Variants in SRCAP observed in about 807,000 individuals in gnomAD.
SRCAP encodes the protein Snf2 related CREBBP activator protein.
A neutral mutation model predicts 263.1 loss-of-function variants in SRCAP; 46 were observed. The observed-to-expected ratio is 0.17, with a 90% CI of 0.14 to 0.22. The LOEUF is 0.22. Among genes scored for constraint, SRCAP ranks in the 10% least tolerant of loss-of-function variants. The probability of loss-of-function intolerance (pLI) is 1.00; values close to 1 mark genes in which losing one functional copy is unlikely to be tolerated. For synonymous variants in SRCAP, 1,813 were observed against 1,662.1 expected (o/e 1.09, Z -2.21); for missense variants, 3,695 against 4,181.9 (o/e 0.88, Z 3.21).
chr16:30,739,410 C>G lies in SRCAP; in HGVS notation c.9370C>G (p.Pro3124Ala). 3 of 1,614,232 alleles carry G rather than the reference C, an allele frequency of 1.9e-6. No individual in the cohort carries two copies. The highest frequency in any genetic ancestry group is 2.5e-6 in the Non-Finnish European group (3 of 1,180,034). The stretch of plus-strand genomic sequence containing the variant: ...AAAACTGCGCTCGACCCGGCTGCGT[C>G]CAGGGTCTCTAGTCCCCCCACTAGA... ...TPKLRSTRLR[P>A]GSLVPPLETE... Residue 3124 changes from proline (P) to alanine (A), a missense_variant, in exon 34 of 34, where the codon CCA becomes GCA. Physicochemically the swap from Pro to Ala is conservative, Grantham distance 27. This residue lies in a region of SRCAP where 1,207 missense variants were observed against 1,142.9 expected (regional missense o/e 1.06). Coordinates refer to ENST00000262518, the MANE Select transcript of SRCAP (RefSeq NM_006662.3).
chr16:30,737,829 G>C lies in SRCAP; in HGVS notation c.7789G>C (p.Glu2597Gln), dbSNP rs1188755562. The C allele has an allele frequency of 6.2e-7, 1 of 1,614,076 alleles. No homozygotes were observed. Among genetic ancestry groups the C allele is most frequent in the African/African-American group, 1.3e-5 (1 of 74,946 alleles). ...PVAVEILPVS[E>Q]KNLSLTPSAP... ...TGCTGTGGAGATCCTGCCTGTGTCA[G>C]AGAAGAACCTTTCTCTCACCCCTTC... The change falls in exon 34 of 34, where the codon GAG (glutamate) becomes CAG (glutamine). Residue 2597 changes from glutamate to glutamine, a missense_variant. This residue lies in a region of SRCAP where 1,207 missense variants were observed against 1,142.9 expected (regional missense o/e 1.06). Coordinates refer to ENST00000262518, the MANE Select transcript of SRCAP (RefSeq NM_006662.3).
chr16:30,739,814 A>C lies in SRCAP; in HGVS notation c.*81A>C. 1.4e-6 allele frequency: 2 copies of C among 1,425,962 alleles called. No individual in the cohort carries two copies. Among genetic ancestry groups the C allele is most frequent in the Non-Finnish European group, 1.8e-6 (2 of 1,086,924 alleles). 88.3% of individuals were successfully genotyped at this position (1,425,962 alleles called of 1,614,324 possible). Reference sequence around the variant, plus strand: ...CCTGACTCTGTTAACCACTACTTGAAGTCTTGAGGGGGAAAGCCTCCAGGG... The same window carrying C: ...CCTGACTCTGTTAACCACTACTTGACGTCTTGAGGGGGAAAGCCTCCAGGG... On this transcript the variant is annotated 3_prime_UTR_variant, in exon 34 of 34. Transcript: ENST00000262518.
intron 3 of SRCAP, among the ~76,000 whole-genome samples, chr16:30,703,181 A>G (rs994793741): frequency 1.4e-5 from 2 of 147,146 alleles, no homozygotes; most frequent in African/African-American, 5.1e-5. Context: ...ATGTATATAA[A>G]TTTTTTTTTT....
rs1429701937 is a variant in SRCAP at position 30,738,606 on chromosome 16, G to T, written c.8566G>T (p.Val2856Leu). 6.2e-7 allele frequency: 1 copy of T among 1,603,292 alleles called. No homozygotes were observed. Among genetic ancestry groups the T allele is most frequent in the South Asian group, 1.1e-5 (1 of 89,924 alleles). ...GALLAITPPA[V>L]KRRRGRPPKK... ...ACTGCTCGCCATCACCCCACCTGCT[G>T]TGAAACGTCGGAGGGGGAGGCCCCC... The change falls in exon 34 of 34, where the codon GTG becomes TTG. Residue 2856 changes from valine (V) to leucine (L), a missense_variant. Physicochemically the swap from Val to Leu is conservative, Grantham distance 32. Around this residue, in one of 12 missense-constraint regions of SRCAP, gnomAD observed 1,207 missense variants for 1,142.9 expected, o/e 1.06. Coordinates refer to ENST00000262518, the MANE Select transcript of SRCAP (RefSeq NM_006662.3).
chr16:30,700,824 C>G lies in SRCAP; in HGVS notation c.-1C>G. 1 of 1,614,042 alleles carries G rather than the reference C, an allele frequency of 6.2e-7. No individual in the cohort carries two copies. Among genetic ancestry groups the G allele is most frequent in the Non-Finnish European group, 8.5e-7 (1 of 1,179,924 alleles). ...CCAAGGGGGAGCCTGGGAGTGGGAC[C>G]ATGCAGAGCAGCCCCTCCCCTGCTC... is the stretch of plus-strand genomic sequence containing the variant. On this transcript the variant is annotated 5_prime_UTR_variant, in exon 3 of 34. Coordinates refer to ENST00000262518, the MANE Select transcript of SRCAP (RefSeq NM_006662.3).
At position 30,720,797 on chromosome 16, in the gene SRCAP, T is replaced by C. The variant is rs1333345525; in HGVS notation, c.3072T>C (p.Val1024=). 1.9e-6 allele frequency: 3 copies of C among 1,613,978 alleles called. No individual in the cohort carries two copies. The highest frequency in any genetic ancestry group is 2.5e-6 in the Non-Finnish European group (3 of 1,180,016). Residue 1024 remains valine, a synonymous_variant, in exon 20 of 34, where the codon GTT becomes GTC. Coordinates refer to ENST00000262518, the MANE Select transcript of SRCAP (RefSeq NM_006662.3). ...GGGCGCCCCTGGGCCCTGTCCCAGT[T>C]CGACCTCCTCCAGGTCCTGAGCTCT... ...NPRAPLGPVP[V]RPPPGPELSA...
At chr16:30,712,514 T>C in intron 13 of SRCAP, 75 bp downstream of exon 13, 1 of 1,519,528 alleles carries the variant, frequency 6.6e-7, no homozygotes, top group Non-Finnish European at 8.8e-7. Context: ...TGACTCCAGC[T>C]TCATTGACTT....
At position 30,733,377 on chromosome 16, in the gene SRCAP, G is replaced by A. The variant is rs1415250682; in HGVS notation, c.6225G>A (p.Leu2075=). The change falls in exon 28 of 34, where the codon TTG becomes TTA. Residue 2075 remains leucine, a synonymous_variant. Transcript: ENST00000262518. The surrounding 1 kb of genome is among the most constrained non-coding windows in gnomAD (Gnocchi z 5.3). ...FTQMTRMLDV[L]EQFLTYHGHL... ...AGATGACCCGAATGCTGGATGTATT[G>A]GAGCAGTTTCTCACCTACCATGGCC... is the stretch of plus-strand genomic sequence containing the variant. 3.7e-6 allele frequency: 6 copies of A among 1,613,982 alleles called. No homozygotes were observed. The highest frequency in any genetic ancestry group is 2.2e-5 in the East Asian group (1 of 44,884).
Position 30,733,434 on chromosome 16 carries a change from A to G in SRCAP, c.6282A>G (p.Arg2094=). ...ACCTGCGCCTGGATGGATCTACTAG[A>G]GTTGAACAGAGACAGGTAACCCAGG... The part of the protein sequence containing the change: ...HLYLRLDGST[R]VEQRQALMER... The change falls in exon 28 of 34, where the codon AGA becomes AGG. Residue 2094 remains arginine (R), a synonymous_variant. Coordinates refer to ENST00000262518, the MANE Select transcript of SRCAP (RefSeq NM_006662.3). The surrounding 1 kb of genome is among the most constrained non-coding windows in gnomAD (Gnocchi z 5.3). 1 of 1,614,054 alleles carries G rather than the reference A, an allele frequency of 6.2e-7. No homozygotes were observed. The highest frequency in any genetic ancestry group is 1.3e-5 in the African/African-American group (1 of 74,996).
Position 30,711,757 on chromosome 16 carries a change from T to C in SRCAP, c.1492+13T>C. Reference sequence around the variant, plus strand: ...AGCAGTCAGTCAGGTGAATATGTGGTCATGAAGCAGGAGCTGGGGAGGGTG... The same window carrying C: ...AGCAGTCAGTCAGGTGAATATGTGGCCATGAAGCAGGAGCTGGGGAGGGTG... On this transcript the variant is annotated intron_variant, in intron 11 of 33. Transcript: ENST00000262518. 6.2e-7 allele frequency: 1 copy of C among 1,610,832 alleles called. No homozygotes were observed. The highest frequency in any genetic ancestry group is 8.5e-7 in the Non-Finnish European group (1 of 1,177,744).
intron 16 of SRCAP, among the ~76,000 whole-genome samples, chr16:30,715,724 C>G (rs1415222846): frequency 1.3e-5 from 2 of 152,168 alleles, no homozygotes; most frequent in African/African-American, 4.8e-5. Context: ...TGTTTTATCT[C>G]CTGTCAAGGC....
chr16:30,722,309 C>A, intron 22 of SRCAP, 23 bp downstream of exon 22: 3 of 1,605,632 alleles, frequency 1.9e-6, no homozygotes, highest in East Asian at 2.2e-5. Flanking sequence ...CACCCCCTGT[C>A]CTGCCTTTTT....
At chr16:30,726,293 A>G (rs1299127633) in intron 25 of SRCAP, 3 of 152,196 alleles carry the variant, frequency 2.0e-5, no homozygotes, top group Non-Finnish European at 4.4e-5. Flanking sequence ...CTTCTGCTTT[A>G]TGGTTGTTAT....
chr16:30,703,041 C>T (rs972683977), intron 3 of SRCAP, among the ~76,000 whole-genome samples: 4 of 151,850 alleles, frequency 2.6e-5, no homozygotes, highest in Non-Finnish European at 5.9e-5. Flanking sequence ...ACATTTATTG[C>T]ATAAGTGAGT....
At position 30,707,620 on chromosome 16, in the gene SRCAP, G is replaced by A. The variant is rs1174855489; in HGVS notation, c.541G>A (p.Glu181Lys). Reference sequence around the variant, plus strand: ...CCACGAGGAGCAGCGGCAGAAAGAGGAACGGGCCCGGAGGGAGGAGCAGGC... The same window carrying A: ...CCACGAGGAGCAGCGGCAGAAAGAGAAACGGGCCCGGAGGGAGGAGCAGGC... ...RHHEEQRQKE[E>K]RARREEQAKL... The change falls in exon 6 of 34, where the codon GAA becomes AAA. Residue 181 changes from glutamate to lysine, a missense_variant. Coordinates refer to ENST00000262518, the MANE Select transcript of SRCAP (RefSeq NM_006662.3). 6.2e-7 allele frequency: 1 copy of A among 1,614,092 alleles called. No individual in the cohort carries two copies. Among genetic ancestry groups the A allele is most frequent in the South Asian group, 1.1e-5 (1 of 91,064 alleles).
At chr16:30,713,792 C>G in intron 16 of SRCAP, 81 bp downstream of exon 16, 1 of 1,385,350 alleles carries the variant, frequency 7.2e-7, no homozygotes, top group Non-Finnish European at 9.9e-7. Flanking sequence ...CCAGGAAACC[C>G]TTGGGGAGAG....
At position 30,709,714 on chromosome 16, in the gene SRCAP, G is replaced by C. The variant is rs2052867256; in HGVS notation, c.835G>C (p.Ala279Pro). ...AGCTGCCTCCAGTCCTCCACCCCCTGCTTCTCGCCTGGATGATGAAGGTGT... is the reference window on the plus strand; with the variant it reads ...AGCTGCCTCCAGTCCTCCACCCCCTCCTTCTCGCCTGGATGATGAAGGTGT... Reference protein sequence around the residue: ...SSAASSPPPPASRLDDEDGDF... With the variant: ...SSAASSPPPPPSRLDDEDGDF... Residue 279 changes from alanine to proline, a missense_variant, in exon 7 of 34, where the codon GCT becomes CCT. Ala to Pro is a conservative substitution (Grantham distance 27). Transcript: ENST00000262518. 6.2e-7 allele frequency: 1 copy of C among 1,614,104 alleles called. No individual in the cohort carries two copies. The highest frequency in any genetic ancestry group is 1.7e-5 in the Admixed American group (1 of 60,012).
In SRCAP at chr16:30,740,303, A is replaced by C. The variant is rs1467792074; in HGVS notation, c.*570A>C. ...AGAAGAGGGAAGATTGGTGAATTTG[A>C]TGTGGTAGGGTGCCTTTCCCCAGTC... On this transcript the variant is annotated 3_prime_UTR_variant, in exon 34 of 34. Coordinates refer to ENST00000262518, the MANE Select transcript of SRCAP (RefSeq NM_006662.3). 6.6e-6 allele frequency: 1 copy of C among 152,196 alleles called. No homozygotes were observed. The highest frequency in any genetic ancestry group is 1.5e-5 in the Non-Finnish European group (1 of 67,994). 9.4% of individuals were successfully genotyped at this position (152,196 alleles called of 1,614,324 possible).
At chr16:30,719,759 C>G (rs1422282129) in intron 18 of SRCAP, among the ~76,000 whole-genome samples, 1 of 152,146 alleles carries the variant, frequency 6.6e-6, no homozygotes, top group Non-Finnish European at 1.5e-5. Context: ...CACAGTTCCC[C>G]AATCTTGGCC....
Sources: gnomAD v4.1 joint callset for allele counts (sites outside exome capture counted in the v4.1 genomes callset) on GRCh38, gnomAD v4.1.1 for gene constraint, gnomAD v4.1.1 regional missense constraint, Gnocchi (gnomAD v3.1) non-coding constraint, MANE v1.5 for transcripts, NCBI Gene and HGNC (gene_info 2026-07-23, HGNC 2026-07-21) for gene names.